CRY1: variants seen among roughly 807,000 people sequenced by gnomAD.
CRY1 encodes the protein cryptochrome-1.
CRY1 carries 45 observed loss-of-function variants against 76.0 expected under a neutral mutation model. That is an observed-to-expected ratio of 0.59 (90% CI 0.47 to 0.76). CRY1 has a LOEUF of 0.76. Among genes scored for constraint, CRY1 ranks in the 30% least tolerant of loss-of-function variants. CRY1 has a pLI of 0.00. For missense variants in CRY1, 587 were observed against 716.4 expected, an observed-to-expected ratio of 0.82 and a Z score of 2.06; for synonymous variants, 248 against 244.0, an observed-to-expected ratio of 1.02 and a Z score of -0.15.
chr12:107,045,621 G>C (rs893938902), intron 1 of CRY1, among the ~76,000 whole-genome samples: 2 of 152,122 alleles, frequency 1.3e-5, no homozygotes, highest in Admixed American at 1.3e-4. Flanking sequence ...GGTTTTTATG[G>C]TTTTAGGTCT....
At chr12:107,045,064 G>C (rs1441689081) in intron 1 of CRY1, among the ~76,000 whole-genome samples, 1 of 151,926 alleles carries the variant, frequency 6.6e-6, no homozygotes, top group Non-Finnish European at 1.5e-5. Context: ...CATTCCTCAC[G>C]GCACATTACA....
At chr12:107,072,797 A>G (rs1953206239) in intron 1 of CRY1, 1 of 152,230 alleles carries the variant, frequency 6.6e-6, no homozygotes, top group African/African-American at 2.4e-5. Context: ...GATATTACAC[A>G]GACACTTTCT....
chr12:107,086,061 T>C (rs1361717641), intron 1 of CRY1, among the ~76,000 whole-genome samples: 1 of 152,110 alleles, frequency 6.6e-6, no homozygotes, highest in Non-Finnish European at 1.5e-5. Flanking sequence ...ATGTTATGCT[T>C]GTTAACAAAA....
intron 2 of CRY1, among the ~76,000 whole-genome samples, chr12:107,018,039 T>C (rs1952515731): frequency 6.6e-6 from 1 of 152,192 alleles, no homozygotes; most frequent in South Asian, 2.1e-4. Flanking sequence ...CACTACTGTA[T>C]CTCCAGTACC....
intron 5 of CRY1, among the ~76,000 whole-genome samples, chr12:107,000,496 T>C (rs1195808757): frequency 6.6e-6 from 1 of 151,876 alleles, no homozygotes; most frequent in African/African-American, 2.4e-5. Flanking sequence ...ACTACAGGCA[T>C]GCGCCACCAC....
chr12:106,992,682 A>AT, intron 12 of CRY1, 105 bp downstream of exon 12: 3 of 1,088,104 alleles, frequency 2.8e-6, no homozygotes, highest in Non-Finnish European at 4.0e-6. Context: ...ATGCCTCAAG[A>AT]TTTTCTGGTT....
chr12:107,090,622 T>C (rs1229010894), intron 1 of CRY1, among the ~76,000 whole-genome samples: 1 of 152,232 alleles, frequency 6.6e-6, no homozygotes, highest in Non-Finnish European at 1.5e-5. Context: ...AATTGGGGGC[T>C]GTTTTGTTTA....
At chr12:107,080,625 G>A (rs1342427588) in intron 1 of CRY1, among the ~76,000 whole-genome samples, 1 of 151,778 alleles carries the variant, frequency 6.6e-6, no homozygotes, top group Non-Finnish European at 1.5e-5. Context: ...AGAGGAAGGT[G>A]TGGTCAAATG....
At chr12:107,016,048 G>A (rs967366643) in intron 2 of CRY1, among the ~76,000 whole-genome samples, 1 of 152,140 alleles carries the variant, frequency 6.6e-6, no homozygotes, top group Non-Finnish European at 1.5e-5. Context: ...GGTGGCTCAC[G>A]CCTGTAATCC....
intron 1 of CRY1, among the ~76,000 whole-genome samples, chr12:107,031,495 C>A (rs1351800244): frequency 6.6e-6 from 1 of 151,458 alleles, no homozygotes; most frequent in Non-Finnish European, 1.5e-5. Flanking sequence ...AAAATAAAAT[C>A]TCTCCTTGAA....
intron 1 of CRY1, among the ~76,000 whole-genome samples, chr12:107,092,555 A>G (rs192467534): frequency 6.6e-6 from 1 of 152,156 alleles, no homozygotes; most frequent in African/African-American, 2.4e-5. Flanking sequence ...AATTCAGGGG[A>G]GGAGCTCCAG....
intron 1 of CRY1, among the ~76,000 whole-genome samples, chr12:107,046,639 A>G (rs1445128587): frequency 1.3e-5 from 2 of 152,210 alleles, no homozygotes; most frequent in Non-Finnish European, 1.5e-5. Context: ...TCTGCCAACA[A>G]GAAACTTAAT....
At chr12:107,005,860 T>A (rs1952368373) in intron 2 of CRY1, among the ~76,000 whole-genome samples, 1 of 152,218 alleles carries the variant, frequency 6.6e-6, no homozygotes, top group Admixed American at 6.5e-5. Context: ...TATCAGGAGC[T>A]ATGTTAATAA....
rs533079851 is a variant in CRY1, at chr12:106,993,539, C to T, written c.1586-503G>A. Among the ~76,000 whole-genome samples, 39 of 151,930 alleles carry T rather than the reference C, an allele frequency of 2.6e-4. 1 individual carries two copies. The highest frequency in any genetic ancestry group is 2.3e-3 in the Admixed American group (35 of 15,226). On this transcript the variant is annotated intron_variant, in intron 10 of 12. Coordinates refer to ENST00000008527, the MANE Select transcript of CRY1 (RefSeq NM_004075.5). The stretch of plus-strand genomic sequence containing the variant: ...TCCTATCAACCCTTCTAAAAACAAA[C>T]ACTATTATAGGAGAATAGGTTGGCT...
intron 1 of CRY1, among the ~76,000 whole-genome samples, chr12:107,048,847 T>C (rs1270452863): frequency 1.3e-5 from 2 of 152,236 alleles, no homozygotes; most frequent in South Asian, 4.1e-4. Context: ...AAATCCATAA[T>C]TGATAAGTCT....
At chr12:107,051,208 T>C (rs913694538) in intron 1 of CRY1, among the ~76,000 whole-genome samples, 3 of 152,142 alleles carry the variant, frequency 2.0e-5, no homozygotes, top group Admixed American at 6.5e-5. Context: ...ATGTGTTATG[T>C]AGAGAAAAAA....
At chr12:107,075,354 A>T (rs1953239662) in intron 1 of CRY1, among the ~76,000 whole-genome samples, 1 of 152,238 alleles carries the variant, frequency 6.6e-6, no homozygotes, top group Non-Finnish European at 1.5e-5. Flanking sequence ...ATGAAACTGA[A>T]TGCTTCAAAA....
intron 1 of CRY1, among the ~76,000 whole-genome samples, chr12:107,080,453 G>A (rs1375900268): frequency 2.6e-5 from 4 of 152,034 alleles, no homozygotes; most frequent in Admixed American, 2.6e-4. Flanking sequence ...GACTTTATGA[G>A]AGGAGATAAG....
chr12:107,013,512 G>A (rs1260155580), intron 2 of CRY1, among the ~76,000 whole-genome samples: 1 of 152,170 alleles, frequency 6.6e-6, no homozygotes, highest in Non-Finnish European at 1.5e-5. Context: ...TTATTGTGAT[G>A]TTTGCTTTAT....
Sources: gnomAD v4.1 joint callset for allele counts (sites outside exome capture counted in the v4.1 genomes callset) on GRCh38, gnomAD v4.1.1 for gene constraint, MANE v1.5 for transcripts, NCBI Gene and HGNC (gene_info 2026-07-23, HGNC 2026-07-21) for gene names.